Variants in SPIN1 observed in about 807,000 individuals in gnomAD.
The protein encoded by SPIN1 is spindlin 1.
Under a neutral mutation model 26.0 loss-of-function variants are expected in SPIN1, and 3 were observed. The observed-to-expected ratio is 0.12, with a 90% CI of 0.05 to 0.30. The LOEUF (loss-of-function observed/expected upper bound fraction) is 0.30, where lower values mean the gene tolerates loss of function less well. Ranked by LOEUF, SPIN1 falls within the 10% of genes least tolerant of loss-of-function variation. The probability of loss-of-function intolerance (pLI) is 1.00; values close to 1 mark genes in which losing one functional copy is unlikely to be tolerated. For missense variants in SPIN1, 126 were observed against 333.4 expected (o/e 0.38, Z 4.84); for synonymous variants, 101 against 116.5 (o/e 0.87, Z 0.86).
intron 1 of SPIN1, among the ~76,000 whole-genome samples, chr9:88,407,482 A>G (rs1404847228): frequency 2.0e-5 from 3 of 151,504 alleles, no homozygotes; most frequent in Non-Finnish European, 2.9e-5. Flanking sequence ...ACAGAATTCT[A>G]AGTTGTCAGT....
chr9:88,473,656 TGTGTGCAC>T (rs929536876), intron 5 of SPIN1, among the ~76,000 whole-genome samples: 1 of 152,120 alleles, frequency 6.6e-6, no homozygotes, highest in African/African-American at 2.4e-5. Context: ...TGTGTGTGTG[TGTGTGCAC>T]GCGCTATGGA....
chr9:88,473,557 AT>A (rs551708996), intron 5 of SPIN1, among the ~76,000 whole-genome samples: 175 of 152,260 alleles, frequency 1.1e-3, no homozygotes, highest in Non-Finnish European at 2.2e-3. Flanking sequence ...TGTTAACCTA[AT>A]CATAGGAAAT....
chr9:88,462,179 TAAACTC>T (rs1828589319), intron 3 of SPIN1, among the ~76,000 whole-genome samples: 2 of 152,316 alleles, frequency 1.3e-5, no homozygotes, highest in Non-Finnish European at 2.9e-5. Context: ...TGAATTAAAA[TAAACTC>T]AGAAAGCTGA....
intron 4 of SPIN1, among the ~76,000 whole-genome samples, chr9:88,464,470 G>A (rs932856934): frequency 1.3e-5 from 2 of 152,222 alleles, no homozygotes; most frequent in Non-Finnish European, 2.9e-5. Flanking sequence ...TGCATGTGAT[G>A]TCACAGAGCA....
Position 88,408,770 on chromosome 9 carries a change from T to A in SPIN1, c.-158-17612T>A, listed in dbSNP as rs569356302. Among the ~76,000 whole-genome samples the A allele has an allele frequency of 2.1e-5, 3 of 145,918 alleles. No homozygotes were observed. The Admixed American group carries it at 2.1e-4, about 10-fold the overall frequency. On this transcript the variant is annotated intron_variant, in intron 1 of 5. Coordinates refer to ENST00000375859, the MANE Select transcript of SPIN1 (RefSeq NM_006717.3). ...CTCACTGCAACCTCTGCCTCCCGGGTTCAAGCGATTCTCCTGCCTCAGCCT... is the reference window on the plus strand; with the variant it reads ...CTCACTGCAACCTCTGCCTCCCGGGATCAAGCGATTCTCCTGCCTCAGCCT...
chr9:88,427,895 G>T (rs1398320215), intron 2 of SPIN1, among the ~76,000 whole-genome samples: 2 of 151,984 alleles, frequency 1.3e-5, no homozygotes, highest in African/African-American at 4.8e-5. Flanking sequence ...CACTGCGCCT[G>T]GCCAAAAAAT....
chr9:88,405,998 TG>T lies in SPIN1; in HGVS notation c.-159+17461del, dbSNP rs1190971426. Among the ~76,000 whole-genome samples, 132 of 84,854 alleles carry T rather than the reference TG, an allele frequency of 1.6e-3. 1 individual carries two copies. The highest frequency in any genetic ancestry group is 0.011 in the African/African-American group (126 of 10,978). The allele number at this position is 84,854 out of a possible 152,430, so 55.7% of individuals were successfully genotyped here. A position where few individuals can be genotyped will look rare whatever the true frequency, so the allele number is the denominator to read the frequency against. ...CAGGCGCATGCCACCGTGCCTGGCT[TG>T]TGTGTCTGTGTGTGTGTGTGTGTGT... On this transcript the variant is annotated intron_variant, in intron 1 of 5. Coordinates refer to ENST00000375859, the MANE Select transcript of SPIN1 (RefSeq NM_006717.3).
rs1828596173 is a variant in SPIN1, at chr9:88,462,736, C to T, written c.342C>T (p.Leu114=). 1 of 1,610,922 alleles carries T rather than the reference C, an allele frequency of 6.2e-7. No homozygotes were observed. Among genetic ancestry groups the T allele is most frequent in the Non-Finnish European group, 8.5e-7 (1 of 1,178,414 alleles). The part of the protein sequence containing the change: ...KDERVSALEV[L]PDRVATSRIS... ...AAAGAGTTTCTGCGCTTGAAGTCCTCCCTGATAGAGTTGGTAAGTTCTTTT... is the reference window on the plus strand; with the variant it reads ...AAAGAGTTTCTGCGCTTGAAGTCCTTCCTGATAGAGTTGGTAAGTTCTTTT... Residue 114 remains leucine, a synonymous_variant, in exon 4 of 6, where the codon CTC becomes CTT. Coordinates refer to ENST00000375859, the MANE Select transcript of SPIN1 (RefSeq NM_006717.3).
chr9:88,474,851 G>A (rs1373343629), intron 5 of SPIN1, among the ~76,000 whole-genome samples: 1 of 152,144 alleles, frequency 6.6e-6, no homozygotes, highest in African/African-American at 2.4e-5. Context: ...TACAGTGGCA[G>A]AGTTCAGCAG....
At chr9:88,402,086 G>T (rs1209407585) in intron 1 of SPIN1, among the ~76,000 whole-genome samples, 1 of 152,088 alleles carries the variant, frequency 6.6e-6, no homozygotes, top group Non-Finnish European at 1.5e-5. Flanking sequence ...TTGCCTCCTG[G>T]GTTCAAGCAA....
intron 3 of SPIN1, among the ~76,000 whole-genome samples, chr9:88,456,630 T>C (rs1054267458): frequency 1.3e-5 from 2 of 152,342 alleles, no homozygotes; most frequent in East Asian, 1.9e-4. Flanking sequence ...CATCAGAACC[T>C]GCACTTACTG....
At chr9:88,406,290 G>T (rs977082094) in intron 1 of SPIN1, among the ~76,000 whole-genome samples, 2 of 132,854 alleles carry the variant, frequency 1.5e-5, no homozygotes, top group South Asian at 4.4e-4. Flanking sequence ...GTATATACTA[G>T]AATTTTTTTT....
intron 1 of SPIN1, chr9:88,389,508 T>C (rs1826873414): frequency 6.6e-6 from 1 of 152,238 alleles, no homozygotes; most frequent in African/African-American, 2.4e-5. Flanking sequence ...TTACTTATAA[T>C]TTTTGAATCA....
intron 2 of SPIN1, among the ~76,000 whole-genome samples, chr9:88,428,432 T>C (rs929103309): frequency 3.3e-5 from 5 of 152,220 alleles, no homozygotes; most frequent in African/African-American, 1.2e-4. Flanking sequence ...ATATGCAATA[T>C]TTGGTTTTCT....
rs562581597 is a variant in SPIN1, at chr9:88,408,512, G to A, written c.-158-17870G>A. Among the ~76,000 whole-genome samples the A allele has an allele frequency of 2.0e-5, 3 of 151,454 alleles. No individual in the cohort carries two copies. The East Asian group carries it at 5.9e-4, about 30-fold the overall frequency. ...CTGCCACAACCTGCCAAGTAGCTGGGACTACAGGTGCCCGCCACCAGGCCT... is the reference window on the plus strand; with the variant it reads ...CTGCCACAACCTGCCAAGTAGCTGGAACTACAGGTGCCCGCCACCAGGCCT... On this transcript the variant is annotated intron_variant, in intron 1 of 5. Coordinates refer to ENST00000375859, the MANE Select transcript of SPIN1 (RefSeq NM_006717.3).
intron 2 of SPIN1, among the ~76,000 whole-genome samples, chr9:88,435,999 T>A (rs1194925753): frequency 6.6e-6 from 1 of 152,252 alleles, no homozygotes; most frequent in Non-Finnish European, 1.5e-5. Flanking sequence ...GAAATGTATA[T>A]ACTGTCAGTT....
At chr9:88,418,372 TGTGA>T (rs1156656107) in intron 1 of SPIN1, among the ~76,000 whole-genome samples, 1 of 152,230 alleles carries the variant, frequency 6.6e-6, no homozygotes, top group African/African-American at 2.4e-5. Context: ...TTTAACCTTG[TGTGA>T]CAACAATTTT....
At chr9:88,424,894 C>T (rs530350221) in intron 1 of SPIN1, among the ~76,000 whole-genome samples, 2 of 152,140 alleles carry the variant, frequency 1.3e-5, no homozygotes, top group South Asian at 2.1e-4. Context: ...GAAGTAAAGC[C>T]AATACCATAA....
chr9:88,475,030 A>G (rs1828862300), intron 5 of SPIN1, 48 bp from the exon 6 acceptor site: 1 of 1,427,198 alleles, frequency 7.0e-7, no homozygotes, highest in Admixed American at 2.9e-5. Flanking sequence ...ATTGACTTAG[A>G]AATTTTCTCT....
Sources: gnomAD v4.1 joint callset for allele counts (sites outside exome capture counted in the v4.1 genomes callset) on GRCh38, gnomAD v4.1.1 for gene constraint, MANE v1.5 for transcripts, NCBI Gene and HGNC (gene_info 2026-07-23, HGNC 2026-07-21) for gene names.